CIMIP5: variants seen among roughly 807,000 people sequenced by gnomAD.
The protein encoded by CIMIP5 is uncharacterized protein C2orf50.
chr2:11,154,101 C>G, the CIMIP5 span, among the ~76,000 whole-genome samples: 1 of 152,042 alleles, frequency 6.6e-6, no homozygotes, highest in Admixed American at 6.6e-5. Context: ...CTCAGCCTCC[C>G]GAGTAGCTGG....
At chr2:11,146,188 A>T in the CIMIP5 span, among the ~76,000 whole-genome samples, 1 of 152,158 alleles carries the variant, frequency 6.6e-6, no homozygotes, top group South Asian at 2.1e-4. Context: ...TGTTATTTGC[A>T]TGCATTAACT....
the CIMIP5 span, among the ~76,000 whole-genome samples, chr2:11,143,245 G>A: frequency 6.6e-6 from 1 of 152,148 alleles, no homozygotes; most frequent in Non-Finnish European, 1.5e-5. Context: ...CACTGAGAAT[G>A]AATGAACGGC....
chr2:11,144,234 G>T, the CIMIP5 span: 1 of 741,610 alleles, frequency 1.3e-6, no homozygotes, highest in Non-Finnish European at 2.0e-6. Flanking sequence ...TCTGTAAGCT[G>T]CAGGACACTC....
At chr2:11,148,165 T>C in the CIMIP5 span, among the ~76,000 whole-genome samples, 9 of 151,282 alleles carry the variant, frequency 5.9e-5, no homozygotes, top group Admixed American at 5.3e-4. Flanking sequence ...TCGCCCAAGC[T>C]GGAGTGCAAT....
the CIMIP5 span, among the ~76,000 whole-genome samples, chr2:11,154,267 C>G: frequency 1.3e-5 from 2 of 152,192 alleles, no homozygotes; most frequent in Non-Finnish European, 2.9e-5. Context: ...CTAGCCAGGG[C>G]AGGTCCAAGC....
chr2:11,133,618 C>T, the CIMIP5 span: 19 of 1,559,376 alleles, frequency 1.2e-5, no homozygotes, highest in Non-Finnish European at 1.4e-5. Flanking sequence ...CCTTTTCCAC[C>T]CTGACTCCGC....
At chr2:11,141,122 T>C in the CIMIP5 span, among the ~76,000 whole-genome samples, 26 of 11,948 alleles carry the variant, frequency 2.2e-3, no homozygotes, top group Non-Finnish European at 1.9e-3. Context: ...CACAACACAC[T>C]TTTTTTTTTT....
chr2:11,143,925 C>G, the CIMIP5 span: 3 of 1,583,730 alleles, frequency 1.9e-6, no homozygotes, highest in Admixed American at 3.5e-5. Context: ...CTCAGGGCAA[C>G]AAGAAGGAGC....
chr2:11,146,514 G>T, the CIMIP5 span: 1 of 152,198 alleles, frequency 6.6e-6, no homozygotes, highest in African/African-American at 2.4e-5. Context: ...CTACCATCAA[G>T]AATAGATCAT....
the CIMIP5 span, chr2:11,144,244 C>A: frequency 1.5e-6 from 1 of 670,646 alleles, no homozygotes; most frequent in Non-Finnish European, 2.3e-6. Context: ...GCAGGACACT[C>A]TTCCAGGGGA....
the CIMIP5 span, chr2:11,143,895 G>C: frequency 6.5e-7 from 1 of 1,534,828 alleles, no homozygotes; most frequent in Non-Finnish European, 8.8e-7. Flanking sequence ...CGCTCTGTGT[G>C]ACCCGAGCTG....
the CIMIP5 span, among the ~76,000 whole-genome samples, chr2:11,147,215 CTTCA>C: frequency 6.6e-6 from 1 of 152,230 alleles, no homozygotes; most frequent in Admixed American, 6.5e-5. Context: ...AAGCCGAACA[CTTCA>C]TTCAATCTGG....
chr2:11,142,786 CA>C, the CIMIP5 span, among the ~76,000 whole-genome samples: 4 of 137,432 alleles, frequency 2.9e-5, no homozygotes, highest in East Asian at 9.3e-4. Context: ...GTAGCATGAT[CA>C]TGGCTCACTG....
chr2:11,142,015 C>G, the CIMIP5 span, among the ~76,000 whole-genome samples: 5 of 152,020 alleles, frequency 3.3e-5, no homozygotes, highest in Non-Finnish European at 5.9e-5. Flanking sequence ...CCTGTAATCT[C>G]AACACTTTGG....
the CIMIP5 span, chr2:11,133,576 G>A: frequency 4.0e-5 from 64 of 1,601,834 alleles, no homozygotes; most frequent in Non-Finnish European, 5.2e-5. Flanking sequence ...GCCGAGCGGC[G>A]GGGCCAGCAG....
At chr2:11,133,258 G>A in the CIMIP5 span, 1 of 1,483,558 alleles carries the variant, frequency 6.7e-7, no homozygotes, top group Non-Finnish European at 8.9e-7. Context: ...CCAGGAGGAG[G>A]TTTGAGCTGA....
the CIMIP5 span, among the ~76,000 whole-genome samples, chr2:11,149,837 C>T: frequency 6.6e-6 from 1 of 152,182 alleles, no homozygotes; most frequent in Non-Finnish European, 1.5e-5. Flanking sequence ...GCAAAAGCAG[C>T]TCTAAAGGAC....
the CIMIP5 span, among the ~76,000 whole-genome samples, chr2:11,139,181 G>A: frequency 6.6e-6 from 1 of 152,192 alleles, no homozygotes; most frequent in Non-Finnish European, 1.5e-5. Flanking sequence ...GCTTCCCAAA[G>A]TGCTGGGATT....
chr2:11,144,355 CAT>C, the CIMIP5 span: 1 of 315,346 alleles, frequency 3.2e-6, no homozygotes, highest in East Asian at 5.0e-5. Context: ...CTTGGGAACT[CAT>C]GGGTGCCCCA....
Sources: gnomAD v4.1 joint callset for allele counts (sites outside exome capture counted in the v4.1 genomes callset) on GRCh38, gnomAD v4.1.1 for gene constraint, MANE v1.5 for transcripts, NCBI Gene and HGNC (gene_info 2026-07-23, HGNC 2026-07-21) for gene names.